The following EYS variants were observed in gnomAD, a reference collection of about 807,000 sequenced individuals.
The protein encoded by EYS is protein eyes shut homolog.
A neutral mutation model predicts 282.1 loss-of-function variants in EYS; 250 were observed. The ratio of observed to expected loss-of-function variants is 0.89; its 90% CI spans 0.80 to 0.98. The LOEUF (loss-of-function observed/expected upper bound fraction) is 0.98. Ranked by LOEUF, EYS falls within the 50% of genes least tolerant of loss-of-function variation. The pLI is 0.00. For missense variants in EYS, 4,016 were observed against 3,709.0 expected (o/e 1.08, Z -2.15); for synonymous variants, 1,355 against 1,282.9 (o/e 1.06, Z -1.20).
At chr6:64,156,823 G>A (rs1213078492) in intron 31 of EYS, among the ~76,000 whole-genome samples, 1 of 152,034 alleles carries the variant, frequency 6.6e-6, no homozygotes, top group African/African-American at 2.4e-5. Context: ...AAGCAGCAAA[G>A]CATTCAAGAG....
intron 28 of EYS, among the ~76,000 whole-genome samples, chr6:64,424,932 G>A (rs1440330736): frequency 1.3e-5 from 2 of 152,172 alleles, no homozygotes; most frequent in African/African-American, 4.8e-5. Context: ...CTCTAGAGAT[G>A]ACTTTTAACC....
intron 30 of EYS, among the ~76,000 whole-genome samples, chr6:64,262,156 T>A (rs1306639214): frequency 6.6e-6 from 1 of 152,070 alleles, no homozygotes; most frequent in African/African-American, 2.4e-5. Context: ...GACATGTGCA[T>A]TTATTTCAGA....
chr6:64,386,739 T>A (rs1772922914), intron 29 of EYS, among the ~76,000 whole-genome samples: 1 of 152,216 alleles, frequency 6.6e-6, no homozygotes, highest in Non-Finnish European at 1.5e-5. Context: ...TTCTATATAT[T>A]TTTTGCCAAT....
At chr6:63,908,041 T>TACAC (rs1477571845) in intron 35 of EYS, among the ~76,000 whole-genome samples, 1 of 40,280 alleles carries the variant, frequency 2.5e-5, no homozygotes, top group African/African-American at 2.5e-4. Flanking sequence ...TACGTTTGTG[T>TACAC]GTGTGTGTGT....
chr6:63,791,252 GAGA>G (rs1203835061), intron 37 of EYS, among the ~76,000 whole-genome samples: 5 of 152,266 alleles, frequency 3.3e-5, no homozygotes, highest in East Asian at 3.9e-4. Context: ...AACCCAGAAG[GAGA>G]AGAACAGGGT....
At position 65,407,764 on chromosome 6, in the gene EYS, T is replaced by C. The variant is rs199857338; in HGVS notation, c.863-2397A>G. On this transcript the variant is annotated intron_variant, in intron 5 of 42. Coordinates refer to ENST00000503581, the MANE Select transcript of EYS (RefSeq NM_001142800.2). The stretch of plus-strand genomic sequence containing the variant: ...AAGTCCGTGTGTGTGTGTGTGTGTG[T>C]GTGTGTGTGTGTGTGTGTGTGTATG... Among the ~76,000 whole-genome samples, 24 of 151,186 alleles carry C rather than the reference T, an allele frequency of 1.6e-4. No homozygotes were observed. The East Asian group carries it at 4.1e-3, about 26-fold the overall frequency.
intron 35 of EYS, among the ~76,000 whole-genome samples, chr6:63,933,472 G>A (rs1343071934): frequency 6.6e-6 from 1 of 152,196 alleles, no homozygotes; most frequent in Non-Finnish European, 1.5e-5. Context: ...CTCCCACAGT[G>A]CTGGGATTAC....
At chr6:65,673,100 C>T (rs1186982831) in intron 1 of EYS, among the ~76,000 whole-genome samples, 9 of 152,138 alleles carry the variant, frequency 5.9e-5, no homozygotes, top group African/African-American at 1.9e-4. Context: ...TGGATGTATA[C>T]GTGCAGGTCA....
chr6:65,457,296 CTGTGACCACAGGCA>C lies in EYS; in HGVS notation c.862+33284_862+33297del, dbSNP rs1254248728. Among the ~76,000 whole-genome samples, 6 of 152,234 alleles carry C rather than the reference CTGTGACCACAGGCA, an allele frequency of 3.9e-5. No individual in the cohort carries two copies. The East Asian group carries it at 1.2e-3, about 29-fold the overall frequency. ...TCTCCTGTCTCAGACTCCTATGTTTCTGTGACCACAGGCATGTGCCACCATGCTCAGCTAATTCT... is the reference window on the plus strand; with the variant it reads ...TCTCCTGTCTCAGACTCCTATGTTTCTGTGCCACCATGCTCAGCTAATTCT... On this transcript the variant is annotated intron_variant, in intron 5 of 42. Transcript: ENST00000503581.
chr6:65,030,919 A>T (rs766673122), intron 13 of EYS, among the ~76,000 whole-genome samples: 1 of 152,116 alleles, frequency 6.6e-6, no homozygotes, highest in Non-Finnish European at 1.5e-5. Context: ...ATTCCATGCA[A>T]TGACACCCAT....
chr6:65,671,435 AAAT>A (rs1388320881), intron 1 of EYS, among the ~76,000 whole-genome samples: 1 of 152,168 alleles, frequency 6.6e-6, no homozygotes, highest in South Asian at 2.1e-4. Context: ...AAAGAGGAAT[AAAT>A]AATAATAAAC....
At chr6:64,829,139 A>G (rs951906) in intron 19 of EYS, among the ~76,000 whole-genome samples, 44,201 of 151,904 alleles carry the variant, frequency 0.29, 6,838 homozygotes, top group African/African-American at 0.4. Context: ...AAAGAAGCAT[A>G]TATTGGACTG....
intron 24 of EYS, among the ~76,000 whole-genome samples, chr6:64,593,697 G>T (rs959766376): frequency 3.3e-5 from 5 of 152,144 alleles, no homozygotes; most frequent in African/African-American, 1.2e-4. Flanking sequence ...TTAGTTGGAA[G>T]CTAATGTAAA....
At chr6:64,390,099 C>T (rs1415896597) in intron 28 of EYS, among the ~76,000 whole-genome samples, 1 of 152,128 alleles carries the variant, frequency 6.6e-6, no homozygotes, top group African/African-American at 2.4e-5. Context: ...GAGATTATAT[C>T]CCGCACCTGG....
At chr6:65,464,922 A>G (rs555396560) in intron 5 of EYS, among the ~76,000 whole-genome samples, 1 of 152,312 alleles carries the variant, frequency 6.6e-6, no homozygotes, top group South Asian at 2.1e-4. Context: ...CACATGACCT[A>G]ATTACTAAAA....
Position 63,892,228 on chromosome 6 carries a change from A to G in EYS, c.7056-27870T>C, listed in dbSNP as rs1185675250. Among the ~76,000 whole-genome samples the G allele has an allele frequency of 6.6e-5, 10 of 152,334 alleles. No homozygotes were observed. In the South Asian group the frequency reaches 1.9e-3, roughly 28 times the overall value. ...TTTCTTCACAGAATTAGAAAAACCT[A>G]CTTTAAATTTCATATGGAACCAAAA... On this transcript the variant is annotated intron_variant, in intron 35 of 42. Transcript: ENST00000503581.
chr6:65,018,925 A>G (rs1323889588), intron 13 of EYS, among the ~76,000 whole-genome samples: 1 of 152,212 alleles, frequency 6.6e-6, no homozygotes, highest in Non-Finnish European at 1.5e-5. Context: ...TAAAAATCAT[A>G]GGTACAAAAA....
chr6:64,295,789 G>C (rs540345262), intron 30 of EYS, among the ~76,000 whole-genome samples: 1 of 151,460 alleles, frequency 6.6e-6, no homozygotes, highest in Non-Finnish European at 1.5e-5. Flanking sequence ...AGCATTTGTT[G>C]CCAATGTTAC....
intron 2 of EYS, among the ~76,000 whole-genome samples, chr6:65,549,574 G>A (rs1238331352): frequency 6.6e-6 from 1 of 152,026 alleles, no homozygotes; most frequent in Non-Finnish European, 1.5e-5. Context: ...AAGAACATGT[G>A]CCCAGTGCAC....
Sources: allele counts gnomAD v4.1 joint callset (sites outside exome capture counted in the v4.1 genomes callset), GRCh38; gene constraint gnomAD v4.1.1; transcripts MANE v1.5; gene names NCBI Gene and HGNC (gene_info 2026-07-23, HGNC 2026-07-21).